PDZRN3: variants seen among roughly 807,000 people sequenced by gnomAD.
The protein encoded by PDZRN3 is E3 ubiquitin-protein ligase PDZRN3.
A neutral mutation model predicts 85.7 loss-of-function variants in PDZRN3; 38 were observed. That is an observed-to-expected ratio of 0.44 (90% CI 0.34 to 0.58). The LOEUF (loss-of-function observed/expected upper bound fraction) is 0.58. Ranked by LOEUF, PDZRN3 falls within the 20% of genes least tolerant of loss-of-function variation. The probability of loss-of-function intolerance (pLI) is 0.01; values close to 1 mark genes in which losing one functional copy is unlikely to be tolerated. For synonymous variants in PDZRN3, 759 were observed against 638.0 expected, an observed-to-expected ratio of 1.19 and a Z score of -2.86; for missense variants, 1,629 against 1,506.4, an observed-to-expected ratio of 1.08 and a Z score of -1.35.
At chr3:73,510,022 G>T (rs76495855) in intron 3 of PDZRN3, among the ~76,000 whole-genome samples, 1,800 of 152,326 alleles carry the variant, frequency 0.012, 30 homozygotes, top group African/African-American at 0.04. Flanking sequence ...TGATTCATCT[G>T]TCGTACACTG....
At chr3:73,565,181 C>A (rs907162355) in intron 3 of PDZRN3, among the ~76,000 whole-genome samples, 1 of 147,002 alleles carries the variant, frequency 6.8e-6, no homozygotes, top group Non-Finnish European at 1.5e-5. Flanking sequence ...CAGGCTGGAG[C>A]GCAGTGGTGT....
chr3:73,386,176 A>G (rs1160888593), intron 8 of PDZRN3, among the ~76,000 whole-genome samples: 11 of 149,278 alleles, frequency 7.4e-5, no homozygotes, highest in Admixed American at 2.0e-4. Context: ...CAGTGTGAAA[A>G]GAGTTCTTTC....
At chr3:73,438,652 T>C (rs1188806921) in intron 3 of PDZRN3, among the ~76,000 whole-genome samples, 1 of 152,238 alleles carries the variant, frequency 6.6e-6, no homozygotes, top group Non-Finnish European at 1.5e-5. Flanking sequence ...GGCTCTTCTT[T>C]CCTGGGGATC....
chr3:73,509,467 C>T (rs892801336), intron 3 of PDZRN3, among the ~76,000 whole-genome samples: 17 of 152,194 alleles, frequency 1.1e-4, no homozygotes, highest in Non-Finnish European at 1.6e-4. Flanking sequence ...TCAGTTTCCT[C>T]TTCTATAAAA....
chr3:73,421,019 T>C (rs575487016), intron 3 of PDZRN3, among the ~76,000 whole-genome samples: 1 of 152,364 alleles, frequency 6.6e-6, no homozygotes, highest in East Asian at 1.9e-4. Flanking sequence ...GCCTACATCA[T>C]GGGAATTCAA....
chr3:73,433,717 A>G, intron 3 of PDZRN3: 1 of 1,536,018 alleles, frequency 6.5e-7, no homozygotes, highest in Non-Finnish European at 8.7e-7. Context: ...TGTTTAGAAA[A>G]ACGTCAAAGG....
intron 3 of PDZRN3, among the ~76,000 whole-genome samples, chr3:73,457,520 TC>T (rs1363973581): frequency 4.6e-5 from 7 of 152,244 alleles, no homozygotes; most frequent in African/African-American, 1.7e-4. Flanking sequence ...ACAGCCATAC[TC>T]CTAGGGTGCG....
At chr3:73,608,772 C>T in intron 1 of PDZRN3, 88 bp from the exon 2 acceptor site, 1 of 763,112 alleles carries the variant, frequency 1.3e-6, no homozygotes, top group Non-Finnish European at 2.2e-6. Flanking sequence ...TACTCAAGGA[C>T]TACTCAGCTA....
intron 3 of PDZRN3, among the ~76,000 whole-genome samples, chr3:73,525,078 C>T (rs1704491189): frequency 6.6e-6 from 1 of 150,630 alleles, no homozygotes; most frequent in Non-Finnish European, 1.5e-5. Context: ...ATATTGCCTT[C>T]TATGCCAGAG....
intron 3 of PDZRN3, among the ~76,000 whole-genome samples, chr3:73,601,401 G>A (rs927034521): frequency 2.0e-5 from 3 of 152,300 alleles, no homozygotes; most frequent in East Asian, 1.9e-4. Context: ...CACTGGTATC[G>A]GTGCTGTTTT....
At chr3:73,500,716 G>C (rs917757066) in intron 3 of PDZRN3, among the ~76,000 whole-genome samples, 1 of 152,038 alleles carries the variant, frequency 6.6e-6, no homozygotes, top group Non-Finnish European at 1.5e-5. Flanking sequence ...CCCAAGCTGG[G>C]TCACCCCTTT....
chr3:73,540,629 A>G (rs1054207894), intron 3 of PDZRN3, among the ~76,000 whole-genome samples: 2 of 152,152 alleles, frequency 1.3e-5, no homozygotes, highest in African/African-American at 4.8e-5. Flanking sequence ...TTTGCTCAGC[A>G]CTTCTCCTTC....
At chr3:73,514,010 C>A (rs1201551768) in intron 3 of PDZRN3, among the ~76,000 whole-genome samples, 4 of 152,182 alleles carry the variant, frequency 2.6e-5, no homozygotes, top group African/African-American at 9.7e-5. Flanking sequence ...CATTTAGAGA[C>A]ATTTAATCTA....
intron 3 of PDZRN3, among the ~76,000 whole-genome samples, chr3:73,432,316 A>T (rs1269914087): frequency 6.6e-6 from 1 of 152,200 alleles, no homozygotes; most frequent in Non-Finnish European, 1.5e-5. Flanking sequence ...GATCTCCAAC[A>T]TGTCTCCCAA....
intron 3 of PDZRN3, among the ~76,000 whole-genome samples, chr3:73,477,109 T>A (rs1348426107): frequency 6.6e-6 from 1 of 152,196 alleles, no homozygotes; most frequent in Non-Finnish European, 1.5e-5. Flanking sequence ...TGGATCATAT[T>A]CTATTATGCA....
intron 3 of PDZRN3, among the ~76,000 whole-genome samples, chr3:73,496,980 G>A (rs992374816): frequency 2.6e-5 from 4 of 152,182 alleles, no homozygotes; most frequent in East Asian, 1.9e-4. Flanking sequence ...AGATTCGCAC[G>A]TGTGCTGATG....
Position 73,472,285 on chromosome 3 carries a change from T to C in PDZRN3, c.919-67890A>G, listed in dbSNP as rs191287291. On this transcript the variant is annotated intron_variant, in intron 3 of 9. Transcript: ENST00000263666. ...ACCCACGTCATTTGTCAGGGCTAAATAGCCTGAGGCCGAGAGTAGACATTT... is the reference window on the plus strand; with the variant it reads ...ACCCACGTCATTTGTCAGGGCTAAACAGCCTGAGGCCGAGAGTAGACATTT... Among the ~76,000 whole-genome samples, 180 of 152,346 alleles carry C rather than the reference T, an allele frequency of 1.2e-3. 1 individual carries two copies. Among genetic ancestry groups the C allele is most frequent in the African/African-American group, 4.1e-3 (169 of 41,596 alleles).
At chr3:73,390,654 TGAGAGAGA>T (rs1553683085) in intron 6 of PDZRN3, among the ~76,000 whole-genome samples, 3 of 139,964 alleles carry the variant, frequency 2.1e-5, no homozygotes, top group Non-Finnish European at 4.6e-5. Flanking sequence ...TGTGTGTGTG[TGAGAGAGA>T]GAGAGAGAGA....
At chr3:73,517,429 A>G (rs1704275652) in intron 3 of PDZRN3, among the ~76,000 whole-genome samples, 1 of 152,176 alleles carries the variant, frequency 6.6e-6, no homozygotes, top group Non-Finnish European at 1.5e-5. Context: ...AATTATCGAG[A>G]GCTCTTTGGC....
Sources: allele counts gnomAD v4.1 joint callset (sites outside exome capture counted in the v4.1 genomes callset), GRCh38; gene constraint gnomAD v4.1.1; transcripts MANE v1.5; gene names NCBI Gene and HGNC (gene_info 2026-07-23, HGNC 2026-07-21).